The following NFIA variants were observed in gnomAD, a reference collection of about 807,000 sequenced individuals.
NFIA encodes the protein nuclear factor 1 A-type.
In NFIA, 8 loss-of-function variants were observed where a neutral mutation model predicts 62.8. The ratio of observed to expected loss-of-function variants is 0.13; its 90% CI spans 0.07 to 0.23. NFIA has a LOEUF of 0.23. Among genes scored for constraint, NFIA ranks in the 10% least tolerant of loss-of-function variants. NFIA has a pLI of 1.00. For synonymous variants in NFIA, 235 were observed against 238.1 expected (o/e 0.99, Z 0.12); for missense variants, 410 against 642.1 (o/e 0.64, Z 3.91).
intron 4 of NFIA, among the ~76,000 whole-genome samples, chr1:61,350,324 C>T (rs985050405): frequency 2.6e-5 from 4 of 152,060 alleles, no homozygotes; most frequent in Non-Finnish European, 5.9e-5. Flanking sequence ...AATTTATGTT[C>T]CTTAAATAAA....
chr1:61,120,252 A>G (rs1646866586), intron 2 of NFIA, among the ~76,000 whole-genome samples: 1 of 152,238 alleles, frequency 6.6e-6, no homozygotes, highest in African/African-American at 2.4e-5. Flanking sequence ...CATCCTAATA[A>G]AATAATATGA....
chr1:61,141,063 A>G (rs1428952944), intron 2 of NFIA, among the ~76,000 whole-genome samples: 2 of 148,100 alleles, frequency 1.4e-5, no homozygotes, highest in Non-Finnish European at 3.0e-5. Context: ...TTGGGAAATC[A>G]TATTATGTGA....
At chr1:61,099,443 A>G (rs1646471881) in intron 2 of NFIA, among the ~76,000 whole-genome samples, 1 of 152,036 alleles carries the variant, frequency 6.6e-6, no homozygotes, top group Non-Finnish European at 1.5e-5. Context: ...TCGATTACCA[A>G]CTCTTTAAAC....
At chr1:61,394,156 T>G (rs1361227293) in intron 7 of NFIA, among the ~76,000 whole-genome samples, 3 of 152,114 alleles carry the variant, frequency 2.0e-5, no homozygotes, top group African/African-American at 7.2e-5. Flanking sequence ...GCCTTTCAAA[T>G]TGCGCTATTC....
intron 2 of NFIA, among the ~76,000 whole-genome samples, chr1:61,184,177 C>T (rs1248685143): frequency 3.6e-5 from 5 of 140,646 alleles, no homozygotes; most frequent in African/African-American, 1.3e-4. Context: ...AAACAAAAAA[C>T]TTCAGAGGGG....
intron 3 of NFIA, among the ~76,000 whole-genome samples, chr1:61,301,990 A>G (rs1659519568): frequency 1.3e-5 from 2 of 152,228 alleles, no homozygotes; most frequent in African/African-American, 4.8e-5. Flanking sequence ...CTGAGAGAGA[A>G]CTTTCCCATT....
At chr1:61,181,138 T>C (rs1241440533) in intron 2 of NFIA, among the ~76,000 whole-genome samples, 1 of 152,250 alleles carries the variant, frequency 6.6e-6, no homozygotes, top group Non-Finnish European at 1.5e-5. Flanking sequence ...TGCTGTACAA[T>C]GGATAATTGT....
intron 7 of NFIA, among the ~76,000 whole-genome samples, chr1:61,399,337 G>C (rs1665439211): frequency 6.6e-6 from 1 of 152,142 alleles, no homozygotes. Flanking sequence ...GTGCCTGAAG[G>C]AGGATTATAT....
At chr1:61,213,987 G>A (rs2100607250) in intron 2 of NFIA, among the ~76,000 whole-genome samples, 1 of 152,316 alleles carries the variant, frequency 6.6e-6, no homozygotes, top group Middle Eastern at 3.4e-3. Context: ...TTATTGAACT[G>A]TGTGACTTAA....
intron 2 of NFIA, among the ~76,000 whole-genome samples, chr1:61,242,290 A>G (rs1049627793): frequency 6.6e-6 from 1 of 152,138 alleles, no homozygotes; most frequent in Non-Finnish European, 1.5e-5. Context: ...TGCTTTTAAA[A>G]TTCTTGGATA....
At chr1:61,347,453 G>GT (rs1294510257) in intron 4 of NFIA, among the ~76,000 whole-genome samples, 2 of 151,994 alleles carry the variant, frequency 1.3e-5, no homozygotes, top group African/African-American at 4.8e-5. Context: ...GATTACAGTC[G>GT]TGAGCCACCG....
At chr1:61,191,324 A>G (rs1047959729) in intron 2 of NFIA, among the ~76,000 whole-genome samples, 1 of 152,186 alleles carries the variant, frequency 6.6e-6, no homozygotes, top group Non-Finnish European at 1.5e-5. Flanking sequence ...CCAAATGAAT[A>G]GTAGTATTTA....
At chr1:61,424,885 G>A (rs1666797337) in intron 9 of NFIA, among the ~76,000 whole-genome samples, 1 of 152,194 alleles carries the variant, frequency 6.6e-6, no homozygotes, top group Non-Finnish European at 1.5e-5. Flanking sequence ...AGAGGTACAG[G>A]CAGAATGGCT....
At chr1:61,417,762 T>G (rs1280436630) in intron 9 of NFIA, among the ~76,000 whole-genome samples, 1 of 152,156 alleles carries the variant, frequency 6.6e-6, no homozygotes, top group East Asian at 1.9e-4. Flanking sequence ...ATGAAATGAT[T>G]TTAGTGTTTT....
intron 2 of NFIA, among the ~76,000 whole-genome samples, chr1:61,165,540 G>A (rs1359207098): frequency 6.6e-6 from 1 of 152,174 alleles, no homozygotes; most frequent in Non-Finnish European, 1.5e-5. Context: ...AACCATATCT[G>A]TTTGACTCCA....
chr1:61,320,140 C>T (rs575501508), intron 3 of NFIA, among the ~76,000 whole-genome samples: 18 of 152,086 alleles, frequency 1.2e-4, no homozygotes, highest in Admixed American at 3.9e-4. Context: ...AAAAATCCAG[C>T]CTAGAATTGC....
chr1:61,123,315 T>C (rs577696820), intron 2 of NFIA, among the ~76,000 whole-genome samples: 2 of 145,864 alleles, frequency 1.4e-5, no homozygotes, highest in Non-Finnish European at 3.0e-5. Context: ...GTGCAGAGGG[T>C]ACAGAGAGAG....
intron 8 of NFIA, 56 bp from the exon 9 acceptor site, chr1:61,406,506 C>G: frequency 6.9e-7 from 1 of 1,445,716 alleles, no homozygotes; most frequent in Non-Finnish European, 9.5e-7. Context: ...CTAATGGTTG[C>G]TGTCTCTTTC....
intron 9 of NFIA, among the ~76,000 whole-genome samples, chr1:61,425,119 T>A (rs1569847731): frequency 6.6e-6 from 1 of 152,236 alleles, no homozygotes; most frequent in East Asian, 1.9e-4. Context: ...CTCTGTTCAG[T>A]GCCGTTTTAA....
Sources: allele counts gnomAD v4.1 joint callset (sites outside exome capture counted in the v4.1 genomes callset), GRCh38; gene constraint gnomAD v4.1.1; transcripts MANE v1.5; gene names NCBI Gene and HGNC (gene_info 2026-07-23, HGNC 2026-07-21).